The following NPHP4 variants were observed in gnomAD, a reference collection of about 807,000 sequenced individuals.
NPHP4 encodes nephrocystin 4.
Under a neutral mutation model 155.8 loss-of-function variants are expected in NPHP4, and 151 were observed. The ratio of observed to expected loss-of-function variants is 0.97; its 90% CI spans 0.85 to 1.11. The LOEUF is 1.11. Ranked by LOEUF, NPHP4 falls within the 50% of genes least tolerant of loss-of-function variation. NPHP4 has a pLI of 0.00. For missense variants in NPHP4, 1,956 were observed against 1,925.7 expected (o/e 1.02, Z -0.29); for synonymous variants, 845 against 816.8 (o/e 1.03, Z -0.59).
intron 18 of NPHP4, 142 bp from the exon 19 acceptor site, chr1:5,880,381 G>T: frequency 1.3e-6 from 1 of 798,412 alleles, no homozygotes; most frequent in Non-Finnish European, 2.0e-6. Context: ...CCTCTGTTTT[G>T]AATGTTTTGC....
chr1:5,975,775 T>C (rs1429003691), intron 3 of NPHP4, among the ~76,000 whole-genome samples: 2 of 152,110 alleles, frequency 1.3e-5, no homozygotes, highest in Non-Finnish European at 2.9e-5. Flanking sequence ...CTGCCCAACT[T>C]CCGCCGCAAC....
At chr1:5,865,940 A>G in intron 26 of NPHP4, 1 of 211,610 alleles carries the variant, frequency 4.7e-6, no homozygotes. Flanking sequence ...TTAGGAGGGG[A>G]GGGGAAAGGG....
intron 23 of NPHP4, among the ~76,000 whole-genome samples, chr1:5,869,233 GCA>G (rs71571877): frequency 0.043 from 3,969 of 92,538 alleles, 70 homozygotes; most frequent in Non-Finnish European, 0.05. Flanking sequence ...CCACCCACAT[GCA>G]CACACACACA....
In NPHP4 at chr1:5,927,667, GTT is replaced by G. The variant is rs778694612; in HGVS notation, c.1421_1422del (p.Lys474ThrfsTer140). On this transcript the variant is annotated frameshift_variant, in exon 11 of 30. Transcript: ENST00000378156. LOFTEE classifies it high-confidence loss of function. ...GPKVERRPSR[K>X]PPTSPSSPPA... Reference sequence around the variant, plus strand: ...CACTTACTCGAAGGGGACGTGGGTGGTTTCCTGGAAGGCCGCCGCTCCACTTT... The same window carrying G: ...CACTTACTCGAAGGGGACGTGGGTGGTCCTGGAAGGCCGCCGCTCCACTTT... 4 of 1,611,434 alleles carry G rather than the reference GTT, an allele frequency of 2.5e-6. No individual in the cohort carries two copies. The Admixed American group carries it at 6.7e-5, about 27-fold the overall frequency.
chr1:5,991,204 T>C (rs1231510029), intron 1 of NPHP4, among the ~76,000 whole-genome samples: 2 of 152,148 alleles, frequency 1.3e-5, no homozygotes, highest in South Asian at 2.1e-4. Flanking sequence ...AATTCCCTCA[T>C]TCATGAGCAT....
In NPHP4 at chr1:5,887,246, G is replaced by A. The variant is rs753151317; in HGVS notation, c.2485+40C>T. On this transcript the variant is annotated intron_variant, in intron 18 of 29. Coordinates refer to ENST00000378156, the MANE Select transcript of NPHP4 (RefSeq NM_015102.5). The stretch of plus-strand genomic sequence containing the variant: ...GCCCACACTCTACCAGAGGGGTTGG[G>A]CGGCCGCTGGAGAAATGGCACAAGG... 16 of 1,568,412 alleles carry A rather than the reference G, an allele frequency of 1.0e-5. No homozygotes were observed. In the Admixed American group the frequency reaches 2.4e-4, roughly 23 times the overall value.
rs758637852 is a variant in NPHP4, at chr1:5,961,777, A to T, written c.673+17T>A. ...AGACTCACCTCACCAAGTGGAGAGA[A>T]TCAAAGACGCCCTTACCGGATTCTC... On this transcript the variant is annotated intron_variant, in intron 6 of 29. Coordinates refer to ENST00000378156, the MANE Select transcript of NPHP4 (RefSeq NM_015102.5). 1 of 1,605,404 alleles carries T rather than the reference A, an allele frequency of 6.2e-7. No individual in the cohort carries two copies. Among genetic ancestry groups the T allele is most frequent in the African/African-American group, 1.3e-5 (1 of 74,882 alleles).
intron 5 of NPHP4, among the ~76,000 whole-genome samples, chr1:5,964,941 A>ATATATATATTTTTTTTTTTTTTTTTT: frequency 5.0e-5 from 3 of 59,426 alleles, no homozygotes; most frequent in African/African-American, 1.7e-4. Context: ...ATATATATAT[A>ATATATATATTTTTTTTTTTTTTTTTT]TTTTTTTTTT....
At position 5,927,655 on chromosome 1, in the gene NPHP4, G is replaced by A. The variant is rs377746176; in HGVS notation, c.1435C>T (p.Pro479Ser). 3 of 1,605,116 alleles carry A rather than the reference G, an allele frequency of 1.9e-6. No homozygotes were observed. Among genetic ancestry groups the A allele is most frequent in the African/African-American group, 2.7e-5 (2 of 74,764 alleles). Residue 479 changes from proline (P) to serine (S), a missense_variant, in exon 11 of 30, where the codon CCT (proline) becomes TCT (serine). Coordinates refer to ENST00000378156, the MANE Select transcript of NPHP4 (RefSeq NM_015102.5). Reference protein sequence around the residue: ...RRPSRKPPTSPSSPPAPVPRV... With the variant: ...RRPSRKPPTSSSSPPAPVPRV... ...GCTCTCTGGAAACACTTACTCGAAG[G>A]GGACGTGGGTGGTTTCCTGGAAGGC...
At chr1:5,873,197 C>T (rs904869235) in intron 23 of NPHP4, 55 bp downstream of exon 23, 4 of 1,426,656 alleles carry the variant, frequency 2.8e-6, no homozygotes, top group Middle Eastern at 1.8e-4. Context: ...AAGGGTCAGG[C>T]CCTGGGAATA....
chr1:5,977,278 C>T (rs1253793861), intron 3 of NPHP4, among the ~76,000 whole-genome samples: 38 of 152,086 alleles, frequency 2.5e-4, no homozygotes, highest in Admixed American at 2.0e-3. Flanking sequence ...CAACCCCACC[C>T]GTCAGCAAAC....
intron 4 of NPHP4, among the ~76,000 whole-genome samples, 154 bp downstream of exon 4, chr1:5,968,933 A>T (rs1368845621): frequency 6.6e-6 from 1 of 151,750 alleles, no homozygotes; most frequent in Admixed American, 6.6e-5. Context: ...AGGCTGAGGC[A>T]CGAGAATCGC....
At position 5,892,831 on chromosome 1, in the gene NPHP4, GA is replaced by G. The variant is rs1392150300; in HGVS notation, c.2144-1804del. On this transcript the variant is annotated intron_variant, in intron 16 of 29. Transcript: ENST00000378156. The surrounding 1 kb of genome is among the most constrained non-coding windows in gnomAD (Gnocchi z 4.5). ...AGCTGGCCTCCAACTGAACTAAGAA[GA>G]CTCCCAGGGGCAGTGGCCCTGTCCT... 6.6e-6 allele frequency among the ~76,000 whole-genome samples: 1 copy of G among 152,056 alleles called. No individual in the cohort carries two copies. Among genetic ancestry groups the G allele is most frequent in the East Asian group, 1.9e-4 (1 of 5,178 alleles).
At chr1:5,883,572 A>C (rs1426455680) in intron 18 of NPHP4, among the ~76,000 whole-genome samples, 1 of 152,236 alleles carries the variant, frequency 6.6e-6, no homozygotes, top group Non-Finnish European at 1.5e-5. Flanking sequence ...TGCTCCAAGA[A>C]GGAGGGGCCT....
intron 16 of NPHP4, among the ~76,000 whole-genome samples, chr1:5,901,128 G>A (rs866587094): frequency 3.3e-5 from 5 of 152,048 alleles, no homozygotes; most frequent in Non-Finnish European, 5.9e-5. Flanking sequence ...GAGGTCCTAC[G>A]GGAACTCTCT....
In NPHP4 at chr1:5,863,212, G is replaced by A. The variant is rs1640815222; in HGVS notation, c.*53C>T. On this transcript the variant is annotated 3_prime_UTR_variant, in exon 30 of 30. Coordinates refer to ENST00000378156, the MANE Select transcript of NPHP4 (RefSeq NM_015102.5). ...GGAGGACAGCCTGCAGGGCAGGAGG[G>A]GCACAGACAGGCCCCAGCTGGGTGC... is the stretch of plus-strand genomic sequence containing the variant. The A allele has an allele frequency of 1.2e-6, 2 of 1,603,646 alleles. No individual in the cohort carries two copies. The highest frequency in any genetic ancestry group is 3.3e-5 in the Admixed American group (2 of 59,998).
At position 5,944,848 on chromosome 1, in the gene NPHP4, T is replaced by C. The variant is rs1397679267; in HGVS notation, c.1119+2256A>G. ...AGCTGGGCATGGTGGCCCGTGCCTA[T>C]AGTCCCAGCTACTCAGGAGACTGAG... On this transcript the variant is annotated intron_variant, in intron 9 of 29. Coordinates refer to ENST00000378156, the MANE Select transcript of NPHP4 (RefSeq NM_015102.5). The surrounding 1 kb of genome is among the most constrained non-coding windows in gnomAD (Gnocchi z 4.3). Among the ~76,000 whole-genome samples the C allele has an allele frequency of 6.6e-6, 1 of 152,114 alleles. No homozygotes were observed. The highest frequency in any genetic ancestry group is 1.5e-5 in the Non-Finnish European group (1 of 68,008).
chr1:5,943,464 A>T (rs1241744884), intron 9 of NPHP4, among the ~76,000 whole-genome samples: 1 of 152,180 alleles, frequency 6.6e-6, no homozygotes, highest in Admixed American at 6.5e-5. Flanking sequence ...TAGACACCAT[A>T]GCTTTTGCCT....
chr1:5,867,175 GC>G lies in NPHP4; in HGVS notation c.3473-61del. 2 of 1,284,760 alleles carry G rather than the reference GC, an allele frequency of 1.6e-6. No individual in the cohort carries two copies. The highest frequency in any genetic ancestry group is 2.2e-6 in the Non-Finnish European group (2 of 901,792). 79.6% of individuals were successfully genotyped at this position (1,284,760 alleles called of 1,614,324 possible). ...CACAGCCCCAGCCTGTGTGGAGAAG[GC>G]CCCACACATTACACACTATAGGACA... On this transcript the variant is annotated intron_variant, in intron 24 of 29. Transcript: ENST00000378156. This position sits in a 1 kb window ranked among gnomAD's most constrained non-coding sequence, Gnocchi z 4.1.
Sources: gnomAD v4.1 joint callset for allele counts (sites outside exome capture counted in the v4.1 genomes callset) on GRCh38, gnomAD v4.1.1 for gene constraint, Gnocchi (gnomAD v3.1) non-coding constraint, MANE v1.5 for transcripts, NCBI Gene and HGNC (gene_info 2026-07-23, HGNC 2026-07-21) for gene names.